Variants in MITF observed in about 807,000 individuals in gnomAD.
The protein encoded by MITF is microphthalmia-associated transcription factor.
MITF carries 17 observed loss-of-function variants against 60.5 expected under a neutral mutation model. The observed-to-expected ratio is 0.28, with a 90% confidence interval of 0.19 to 0.42. The LOEUF (loss-of-function observed/expected upper bound fraction) is 0.42, where lower values mean the gene tolerates loss of function less well. Among genes scored for constraint, MITF ranks in the 10% least tolerant of loss-of-function variants. The pLI is 1.00. For synonymous variants in MITF, 260 were observed against 248.5 expected (o/e 1.05, Z -0.43); for missense variants, 622 against 683.5 (o/e 0.91, Z 1.00).
intron 1 of MITF, among the ~76,000 whole-genome samples, chr3:69,786,429 A>G (rs567361678): frequency 8.6e-4 from 131 of 152,278 alleles, no homozygotes; most frequent in African/African-American, 3.0e-3. Flanking sequence ...CAAGGTCTTC[A>G]TAATGTTCAT....
At chr3:69,814,552 C>A (rs2063151121) in intron 1 of MITF, among the ~76,000 whole-genome samples, 1 of 152,034 alleles carries the variant, frequency 6.6e-6, no homozygotes, top group Admixed American at 6.6e-5. Flanking sequence ...TGGTCTCAAA[C>A]TCCTGGGCTC....
intron 1 of MITF, among the ~76,000 whole-genome samples, chr3:69,780,511 A>G (rs992346145): frequency 1.3e-5 from 2 of 152,198 alleles, no homozygotes; most frequent in Non-Finnish European, 2.9e-5. Context: ...TAACTGTTTT[A>G]TCTCACATAG....
chr3:69,951,705 C>G, intron 6 of MITF, 107 bp from the exon 7 acceptor site: 1 of 829,430 alleles, frequency 1.2e-6, no homozygotes, highest in South Asian at 1.5e-5. Flanking sequence ...TACTTAGAGT[C>G]AAGTCAAATA....
intron 1 of MITF, among the ~76,000 whole-genome samples, chr3:69,825,681 C>G (rs62252175): frequency 0.01 from 1,586 of 152,172 alleles, 21 homozygotes; most frequent in Non-Finnish European, 0.011. Flanking sequence ...TATGGGCCAG[C>G]CTATGATGCG....
chr3:69,867,130 C>T (rs1052677504), intron 1 of MITF, among the ~76,000 whole-genome samples: 16 of 152,146 alleles, frequency 1.1e-4, no homozygotes, highest in African/African-American at 3.9e-4. Flanking sequence ...AGTGAATAGG[C>T]ATTCAAGCAA....
rs2066178743 is a variant in MITF at position 69,949,182 on chromosome 3, A to C, written c.880+14A>C. The C allele has an allele frequency of 1.3e-6, 2 of 1,561,546 alleles. No individual in the cohort carries two copies. Among genetic ancestry groups the C allele is most frequent in the South Asian group, 1.1e-5 (1 of 90,008 alleles). Reference sequence around the variant, plus strand: ...GGGAGCTCACAGGTAAACACCTAGTAAATGTGCCTCTTACTGCAGATTTCT... The same window carrying C: ...GGGAGCTCACAGGTAAACACCTAGTCAATGTGCCTCTTACTGCAGATTTCT... On this transcript the variant is annotated intron_variant, in intron 6 of 9. Transcript: ENST00000352241.
At position 69,866,302 on chromosome 3, in the gene MITF, T is replaced by C. The variant is rs567805824; in HGVS notation, c.105-12832T>C. ...TTAAAGGAAAAAAGATGGAGGCGCTTAGAGTTCAGATGTTCATGCCATGCT... is the reference window on the plus strand; with the variant it reads ...TTAAAGGAAAAAAGATGGAGGCGCTCAGAGTTCAGATGTTCATGCCATGCT... On this transcript the variant is annotated intron_variant, in intron 1 of 9. Transcript: ENST00000352241. 41 of 1,613,778 alleles carry C rather than the reference T, an allele frequency of 2.5e-5. No homozygotes were observed. In the South Asian group the frequency reaches 4.4e-4, roughly 17 times the overall value.
At chr3:69,788,191 T>A (rs1367262888) in intron 1 of MITF, among the ~76,000 whole-genome samples, 2 of 151,872 alleles carry the variant, frequency 1.3e-5, no homozygotes. Flanking sequence ...ATATGCAGGT[T>A]TGTTACATAT....
At chr3:69,757,490 G>A (rs1018115278) in intron 1 of MITF, among the ~76,000 whole-genome samples, 4 of 152,178 alleles carry the variant, frequency 2.6e-5, no homozygotes, top group Non-Finnish European at 1.5e-5. Context: ...GAAGCTGTAA[G>A]CACAGGAGAG....
chr3:69,748,189 G>A (rs193215987), intron 1 of MITF, among the ~76,000 whole-genome samples: 1 of 152,294 alleles, frequency 6.6e-6, no homozygotes, highest in Admixed American at 6.5e-5. Context: ...AAAGCATTTG[G>A]ATTTTAGTAG....
Position 69,821,340 on chromosome 3 carries a change from A to G in MITF, c.105-57794A>G, listed in dbSNP as rs572135522. 7.9e-5 allele frequency among the ~76,000 whole-genome samples: 12 copies of G among 152,280 alleles called. No individual in the cohort carries two copies. In the East Asian group the frequency reaches 1.4e-3, roughly 17 times the overall value. On this transcript the variant is annotated intron_variant, in intron 1 of 9. Coordinates refer to ENST00000352241, the MANE Select transcript of MITF (RefSeq NM_001354604.2). ...GCTGGAATTTTCTCAGCTTTTAGAG[A>G]CATTGAAGTCTTTGTTTTGTGGGTT...
At chr3:69,917,756 G>C (rs946109750) in intron 2 of MITF, among the ~76,000 whole-genome samples, 1 of 152,110 alleles carries the variant, frequency 6.6e-6, no homozygotes, top group Non-Finnish European at 1.5e-5. Flanking sequence ...AATCTTTCAG[G>C]ATCTTGGTGG....
At chr3:69,851,662 T>C (rs2063826409) in intron 1 of MITF, among the ~76,000 whole-genome samples, 1 of 152,148 alleles carries the variant, frequency 6.6e-6, no homozygotes, top group Admixed American at 6.6e-5. Flanking sequence ...ATGGGGGCTG[T>C]TTTGACTACA....
intron 2 of MITF, among the ~76,000 whole-genome samples, chr3:69,929,102 G>A (rs370261770): frequency 6.6e-5 from 10 of 152,276 alleles, no homozygotes; most frequent in Admixed American, 2.0e-4. Context: ...TCCTCAGGAC[G>A]TTTCCAGAGG....
At chr3:69,812,222 G>A (rs1244576818) in intron 1 of MITF, among the ~76,000 whole-genome samples, 1 of 152,108 alleles carries the variant, frequency 6.6e-6, no homozygotes, top group African/African-American at 2.4e-5. Flanking sequence ...ATAGCTCAAT[G>A]ACCTTCCCCA....
chr3:69,857,943 T>C (rs918341886), intron 1 of MITF, among the ~76,000 whole-genome samples: 1 of 152,134 alleles, frequency 6.6e-6, no homozygotes, highest in Non-Finnish European at 1.5e-5. Context: ...TAAATTATGG[T>C]TTATATTATT....
At position 69,866,396 on chromosome 3, in the gene MITF, C is replaced by G. The variant is rs527785339; in HGVS notation, c.105-12738C>G. ...TAATCCCGGGACCACTTAAGAGGAGCAGTTTTTTTTCTCTTTAAGGGGGAG... is the reference window on the plus strand; with the variant it reads ...TAATCCCGGGACCACTTAAGAGGAGGAGTTTTTTTTCTCTTTAAGGGGGAG... On this transcript the variant is annotated intron_variant, in intron 1 of 9. Coordinates refer to ENST00000352241, the MANE Select transcript of MITF (RefSeq NM_001354604.2). 29 of 1,606,876 alleles carry G rather than the reference C, an allele frequency of 1.8e-5. No individual in the cohort carries two copies. In the African/African-American group the frequency reaches 3.5e-4, roughly 19 times the overall value.
At chr3:69,849,576 A>G (rs991806624) in intron 1 of MITF, among the ~76,000 whole-genome samples, 4 of 152,218 alleles carry the variant, frequency 2.6e-5, no homozygotes, top group Admixed American at 6.5e-5. Context: ...ACGATACTGA[A>G]GCTTAGAAGG....
intron 1 of MITF, among the ~76,000 whole-genome samples, chr3:69,798,691 C>T (rs2062869515): frequency 6.6e-6 from 1 of 152,240 alleles, no homozygotes; most frequent in South Asian, 2.1e-4. Context: ...CCTTTGCCAA[C>T]CTCCCTGGTC....
Sources: gnomAD v4.1 joint callset for allele counts (sites outside exome capture counted in the v4.1 genomes callset) on GRCh38, gnomAD v4.1.1 for gene constraint, MANE v1.5 for transcripts, NCBI Gene and HGNC (gene_info 2026-07-23, HGNC 2026-07-21) for gene names.